RMDN1: variants seen among roughly 807,000 people sequenced by gnomAD.
RMDN1 encodes regulator of microtubule dynamics protein 1.
Under a neutral mutation model 48.9 loss-of-function variants are expected in RMDN1, and 48 were observed. That is an observed-to-expected ratio of 0.98 (90% CI 0.78 to 1.25). The LOEUF is 1.25. RMDN1 is among the 50% of genes most tolerant of loss of function. RMDN1 has a pLI of 0.00. For synonymous variants in RMDN1, 148 were observed against 132.6 expected (o/e 1.12, Z -0.80); for missense variants, 418 against 373.4 (o/e 1.12, Z -0.98).
chr8:86,470,010 G>T, downstream of RMDN1: 1 of 261,026 alleles, frequency 3.8e-6, no homozygotes, highest in Non-Finnish European at 6.0e-6. Context: ...AACACCCACA[G>T]CTAGTACACA....
chr8:86,479,051 C>T (rs765859451), intron 6 of RMDN1, 41 bp from the exon 7 acceptor site: 4 of 1,394,042 alleles, frequency 2.9e-6, no homozygotes, highest in Non-Finnish European at 4.1e-6. Flanking sequence ...CAAATTGTAC[C>T]TTCTTTTCTC....
intron 2 of RMDN1, among the ~76,000 whole-genome samples, chr8:86,491,845 G>A (rs1213445368): frequency 6.6e-6 from 1 of 152,134 alleles, no homozygotes; most frequent in African/African-American, 2.4e-5. Context: ...CTAGCCATGT[G>A]AGCAGTGTCA....
At position 86,480,314 on chromosome 8, in the gene RMDN1, G is replaced by GGTTCA; in HGVS notation, c.599_603dup (p.Pro202Ter). ...AGGTGAATTGAAGTAGCATCTTTAG[G>GGTTCA]GTTCAGTTCAATTGCTTTCTAACAA... is the stretch of plus-strand genomic sequence containing the variant. On this transcript the variant is annotated stop_gained and frameshift_variant, in exon 6 of 10. Coordinates refer to ENST00000406452, the MANE Select transcript of RMDN1 (RefSeq NM_016033.3). LOFTEE classifies it high-confidence loss of function. 1 of 1,536,944 alleles carries GGTTCA rather than the reference G, an allele frequency of 6.5e-7. No individual in the cohort carries two copies. Among genetic ancestry groups the GGTTCA allele is most frequent in the Non-Finnish European group, 8.8e-7 (1 of 1,130,894 alleles).
In RMDN1 at chr8:86,498,557, T is replaced by C. The variant is rs147728453; in HGVS notation, c.247+8438A>G. ...ACTTTGGGAAGCTGAGGTGGACCGA[T>C]TGCTTGAGCTCAAGAGTTTAAGACC... On this transcript the variant is annotated intron_variant, in intron 2 of 9. Coordinates refer to ENST00000406452, the MANE Select transcript of RMDN1 (RefSeq NM_016033.3). Among the ~76,000 whole-genome samples, 63 of 152,164 alleles carry C rather than the reference T, an allele frequency of 4.1e-4. 1 individual carries two copies. The highest frequency in any genetic ancestry group is 1.5e-3 in the African/African-American group (61 of 41,524).
intron 2 of RMDN1, among the ~76,000 whole-genome samples, chr8:86,499,904 C>T (rs1438844623): frequency 6.6e-6 from 1 of 152,094 alleles, no homozygotes; most frequent in African/African-American, 2.4e-5. Context: ...ACTATCTGAC[C>T]TTCAAAAAAG....
chr8:86,492,615 T>A (rs1816691937), intron 2 of RMDN1, among the ~76,000 whole-genome samples: 1 of 151,388 alleles, frequency 6.6e-6, no homozygotes. Context: ...ATCGCACCAA[T>A]GCACTCTAGC....
At chr8:86,504,638 G>A in intron 2 of RMDN1, 1 of 892,548 alleles carries the variant, frequency 1.1e-6, no homozygotes, top group Non-Finnish European at 1.9e-6. Flanking sequence ...ATGACTGTTT[G>A]TTATTAAAGG....
intron 2 of RMDN1, chr8:86,504,039 T>G: frequency 2.5e-6 from 2 of 806,780 alleles, no homozygotes; most frequent in Non-Finnish European, 4.5e-6. Flanking sequence ...AGGGTACCTT[T>G]GGCACTCTCA....
rs551351368 is a variant in RMDN1 at position 86,479,005 on chromosome 8, T to C, written c.647A>G (p.Tyr216Cys). ...TSIHLMGIWC[Y>C]TFAEMPWYQR... ...ATACCAAGGCATTTCGGCAAATGTA[T>C]AGCACCTACAGGGAAATAAAACAAT... The change falls in exon 7 of 10, where the codon TAT becomes TGT. Residue 216 changes from tyrosine (Y) to cysteine (C), a missense_variant. By Grantham distance (194) the Tyr-to-Cys change is radical. Transcript: ENST00000406452. 123 of 1,612,662 alleles carry C rather than the reference T, an allele frequency of 7.6e-5. No homozygotes were observed. The South Asian group carries it at 1.3e-3, about 17-fold the overall frequency.
At chr8:86,499,160 C>G (rs1817825151) in intron 2 of RMDN1, among the ~76,000 whole-genome samples, 1 of 152,160 alleles carries the variant, frequency 6.6e-6, no homozygotes, top group Admixed American at 6.5e-5. Context: ...TGGAACAAGA[C>G]AAGGATGCCC....
downstream of RMDN1, chr8:86,468,353 G>A (rs976587794): frequency 6.7e-6 from 3 of 450,968 alleles, no homozygotes; most frequent in African/African-American, 2.0e-5. Context: ...CGAAAGAAAG[G>A]CAGAGATCTG....
chr8:86,512,416 C>T (rs1409142572), upstream of RMDN1, among the ~76,000 whole-genome samples: 1 of 152,212 alleles, frequency 6.6e-6, no homozygotes, highest in Non-Finnish European at 1.5e-5. Context: ...TGTTTCTGCA[C>T]TGGCAGTTTG....
intron 2 of RMDN1, among the ~76,000 whole-genome samples, chr8:86,494,399 T>C (rs1369144676): frequency 6.6e-6 from 1 of 151,920 alleles, no homozygotes; most frequent in Non-Finnish European, 1.5e-5. Context: ...CTACCAAAAA[T>C]ACAAAAATTA....
intron 5 of RMDN1, chr8:86,482,957 C>T (rs1188800265): frequency 1.3e-5 from 10 of 761,608 alleles, no homozygotes; most frequent in Admixed American, 3.9e-5. Flanking sequence ...AGGTCCCCGG[C>T]GGACTGTGGC....
Position 86,474,812 on chromosome 8 carries a change from T to C in RMDN1, c.894+8A>G, listed in dbSNP as rs998503466. On this transcript the variant is annotated splice_region_variant and intron_variant, in intron 9 of 9. Coordinates refer to ENST00000406452, the MANE Select transcript of RMDN1 (RefSeq NM_016033.3). ...CCTTTCTGCCTTACTTTATGGGAGA[T>C]GTTTTACCTGTTTATCCTCCTCTGT... 6.2e-7 allele frequency: 1 copy of C among 1,600,802 alleles called. No individual in the cohort carries two copies. Among genetic ancestry groups the C allele is most frequent in the South Asian group, 1.1e-5 (1 of 88,494 alleles).
At chr8:86,508,719 C>CCCGCCTCCTGCGCAGCACCTCTT, upstream of RMDN1, 2 of 1,382,590 alleles carry the variant, frequency 1.4e-6, no homozygotes, top group South Asian at 3.3e-5. Context: ...ACCGCGCCCG[C>CCCGCCTCCTGCGCAGCACCTCTT]CCGCCTCCTG....
At chr8:86,483,872 A>T (rs1815001717) in intron 5 of RMDN1, among the ~76,000 whole-genome samples, 1 of 151,216 alleles carries the variant, frequency 6.6e-6, no homozygotes, top group South Asian at 2.1e-4. Context: ...ATGTTAAGAA[A>T]TATACAGACT....
intron 2 of RMDN1, 38 bp downstream of exon 2, chr8:86,506,957 A>G (rs764902990): frequency 1.8e-6 from 2 of 1,123,578 alleles, no homozygotes; most frequent in East Asian, 4.7e-5. Context: ...CGCACACAAA[A>G]AAACTCTAAA....
At chr8:86,488,468 C>T in intron 3 of RMDN1, 84 bp downstream of exon 3, 1 of 669,350 alleles carries the variant, frequency 1.5e-6, no homozygotes, top group Non-Finnish European at 2.5e-6. Context: ...TTTTTAAAAC[C>T]TCAAGCACTA....
Sources: allele counts gnomAD v4.1 joint callset (sites outside exome capture counted in the v4.1 genomes callset), GRCh38; gene constraint gnomAD v4.1.1; transcripts MANE v1.5; gene names NCBI Gene and HGNC (gene_info 2026-07-23, HGNC 2026-07-21).